Variants in OSBP2 observed in about 807,000 individuals in gnomAD.
The protein encoded by OSBP2 is oxysterol-binding protein 2.
A neutral mutation model predicts 96.0 loss-of-function variants in OSBP2; 66 were observed. That is an observed-to-expected ratio of 0.69 (90% CI 0.56 to 0.84). The LOEUF (loss-of-function observed/expected upper bound fraction) is 0.84. Ranked by LOEUF, OSBP2 falls within the 40% of genes least tolerant of loss-of-function variation. The pLI, the probability that OSBP2 is intolerant of heterozygous loss-of-function variation, is 0.00. For missense variants in OSBP2, 1,038 were observed against 1,222.7 expected, an observed-to-expected ratio of 0.85 and a Z score of 2.25; for synonymous variants, 525 against 520.9, an observed-to-expected ratio of 1.01 and a Z score of -0.11.
chr22:30,822,858 CCT>C (rs1331204886), intron 2 of OSBP2: 4 of 649,344 alleles, frequency 6.2e-6, no homozygotes, highest in Non-Finnish European at 9.6e-6. Context: ...TCGGGGAACC[CCT>C]GTCCCCGCAC....
At chr22:30,786,153 C>G (rs186846170) in intron 2 of OSBP2, among the ~76,000 whole-genome samples, 4 of 152,186 alleles carry the variant, frequency 2.6e-5, no homozygotes, top group Non-Finnish European at 5.9e-5. Context: ...CCTCGAGTAG[C>G]TGGGATTACA....
intron 2 of OSBP2, among the ~76,000 whole-genome samples, chr22:30,790,725 T>C (rs2090663206): frequency 1.3e-5 from 2 of 151,982 alleles, no homozygotes; most frequent in South Asian, 4.2e-4. Context: ...GGTAATTTAC[T>C]GAGAATCCAC....
intron 2 of OSBP2, among the ~76,000 whole-genome samples, chr22:30,773,650 G>A (rs1406890895): frequency 6.6e-6 from 1 of 152,146 alleles, no homozygotes; most frequent in Non-Finnish European, 1.5e-5. Context: ...CTGCATGAAT[G>A]AATGAGTGTG....
chr22:30,874,937 A>G (rs2039545890), intron 3 of OSBP2, among the ~76,000 whole-genome samples: 2 of 152,084 alleles, frequency 1.3e-5, no homozygotes, highest in South Asian at 2.1e-4. Context: ...CACTGTTTCA[A>G]TCACTCCCCA....
intron 3 of OSBP2, among the ~76,000 whole-genome samples, chr22:30,878,237 A>G (rs1255686062): frequency 1.3e-5 from 2 of 152,272 alleles, no homozygotes; most frequent in African/African-American, 2.4e-5. Flanking sequence ...TCAAGGCCAA[A>G]TAAAATGATC....
intron 1 of OSBP2, among the ~76,000 whole-genome samples, chr22:30,739,934 G>A (rs957276514): frequency 1.3e-5 from 2 of 152,010 alleles, no homozygotes; most frequent in East Asian, 1.9e-4. Context: ...CTGCCTCCCC[G>A]GTCCTGGTTT....
chr22:30,754,880 G>A (rs1216922161), intron 2 of OSBP2, among the ~76,000 whole-genome samples: 1 of 152,112 alleles, frequency 6.6e-6, no homozygotes, highest in Non-Finnish European at 1.5e-5. Flanking sequence ...GCCTCCCATT[G>A]CCATATAGCT....
intron 1 of OSBP2, among the ~76,000 whole-genome samples, chr22:30,740,034 CG>C (rs1176146695): frequency 6.6e-6 from 1 of 152,074 alleles, no homozygotes; most frequent in Non-Finnish European, 1.5e-5. Flanking sequence ...TTAGTAGAGA[CG>C]GGATTTCACC....
intron 1 of OSBP2, among the ~76,000 whole-genome samples, chr22:30,735,069 A>C (rs959298142): frequency 2.0e-5 from 3 of 152,156 alleles, no homozygotes; most frequent in Non-Finnish European, 2.9e-5. Flanking sequence ...GCACATGCCT[A>C]TGGTCCCAGT....
intron 1 of OSBP2, among the ~76,000 whole-genome samples, chr22:30,724,141 T>C (rs2089602851): frequency 6.6e-6 from 1 of 152,246 alleles, no homozygotes; most frequent in Non-Finnish European, 1.5e-5. Flanking sequence ...TCACACAGTA[T>C]ATACAGTATT....
intron 2 of OSBP2, among the ~76,000 whole-genome samples, chr22:30,779,544 G>A (rs1397049998): frequency 3.9e-5 from 6 of 152,076 alleles, no homozygotes; most frequent in African/African-American, 1.4e-4. Flanking sequence ...AATGCCTCCA[G>A]AGGGTGGTCC....
chr22:30,799,496 T>A (rs1231477623), intron 2 of OSBP2, among the ~76,000 whole-genome samples: 1 of 152,212 alleles, frequency 6.6e-6, no homozygotes, highest in Admixed American at 6.5e-5. Flanking sequence ...GTTAATTCAA[T>A]GCCTTCTTAT....
At chr22:30,834,199 A>T (rs576733997) in intron 2 of OSBP2, among the ~76,000 whole-genome samples, 42 of 152,244 alleles carry the variant, frequency 2.8e-4, no homozygotes, top group Admixed American at 1.5e-3. Context: ...TTACTGCCAT[A>T]TAATATTCCA....
At position 30,890,514 on chromosome 22, in the gene OSBP2, A is replaced by T. The variant is rs2039922230; in HGVS notation, c.1624-214A>T. Among the ~76,000 whole-genome samples the T allele has an allele frequency of 6.6e-6, 1 of 152,236 alleles. No homozygotes were observed. Among genetic ancestry groups the T allele is most frequent in the Non-Finnish European group, 1.5e-5 (1 of 68,042 alleles). On this transcript the variant is annotated intron_variant, in intron 7 of 13. Transcript: ENST00000332585. The surrounding 1 kb of genome is among the most constrained non-coding windows in gnomAD (Gnocchi z 4.4). Reference sequence around the variant, plus strand: ...ATGATAAAAGTGTGTAGGATGCAGCAGACCAGAAAGTGGGAAGGGCTGTGG... The same window carrying T: ...ATGATAAAAGTGTGTAGGATGCAGCTGACCAGAAAGTGGGAAGGGCTGTGG...
At chr22:30,823,869 G>A (rs2038338861) in intron 2 of OSBP2, among the ~76,000 whole-genome samples, 1 of 152,224 alleles carries the variant, frequency 6.6e-6, no homozygotes, top group Admixed American at 6.5e-5. Context: ...TGGATATAGC[G>A]TCATTTCTAA....
intron 2 of OSBP2, among the ~76,000 whole-genome samples, chr22:30,863,594 C>T (rs1042918317): frequency 2.0e-5 from 3 of 152,118 alleles, no homozygotes; most frequent in Non-Finnish European, 4.4e-5. Context: ...GAGCAGTGAC[C>T]GCTTGAGGAC....
chr22:30,748,461 AGCCTGTATGTCT>A (rs574177815), intron 2 of OSBP2, among the ~76,000 whole-genome samples: 26 of 152,266 alleles, frequency 1.7e-4, no homozygotes, highest in Admixed American at 1.6e-3. Flanking sequence ...GGGCAGAGAG[AGCCTGTATGTCT>A]GCCTGTATGT....
chr22:30,850,115 C>T (rs1440864141), intron 2 of OSBP2, among the ~76,000 whole-genome samples: 2 of 152,052 alleles, frequency 1.3e-5, no homozygotes, highest in East Asian at 1.9e-4. Flanking sequence ...CCAGCCTGGC[C>T]AACATGGTGA....
At chr22:30,704,803 G>A (rs2089224585) in intron 1 of OSBP2, among the ~76,000 whole-genome samples, 1 of 152,116 alleles carries the variant, frequency 6.6e-6, no homozygotes, top group Non-Finnish European at 1.5e-5. Flanking sequence ...GGCACAGTGA[G>A]CCACCCTTAT....
Sources: allele counts gnomAD v4.1 joint callset (sites outside exome capture counted in the v4.1 genomes callset), GRCh38; gene constraint gnomAD v4.1.1; non-coding constraint Gnocchi (gnomAD v3.1); transcripts MANE v1.5; gene names NCBI Gene and HGNC (gene_info 2026-07-23, HGNC 2026-07-21).